Variants in SZT2 observed in about 807,000 individuals in gnomAD.
SZT2 encodes KICSTOR complex protein SZT2.
Under a neutral mutation model 404.2 loss-of-function variants are expected in SZT2, and 216 were observed. The observed-to-expected ratio is 0.53, with a 90% CI of 0.48 to 0.60. The LOEUF (loss-of-function observed/expected upper bound fraction) is 0.60. Ranked by LOEUF, SZT2 falls within the 20% of genes least tolerant of loss-of-function variation. SZT2 has a pLI of 0.00. For synonymous variants in SZT2, 1,693 were observed against 1,749.9 expected (o/e 0.97, Z 0.81); for missense variants, 3,857 against 4,459.2 (o/e 0.86, Z 3.85).
intron 6 of SZT2, 78 bp downstream of exon 6, chr1:43,416,179 A>G: frequency 6.6e-7 from 1 of 1,526,588 alleles, no homozygotes; most frequent in East Asian, 2.3e-5. Context: ...CAAAGATAGC[A>G]GTTCCAGGGA....
In SZT2 at chr1:43,450,409, G is replaced by A; in HGVS notation, c.10228G>A (p.Val3410Ile). The change falls in exon 72 of 72, where the codon GTC (valine) becomes ATC (isoleucine). Residue 3410 changes from valine to isoleucine, a missense_variant. Physicochemically the swap from Val to Ile is conservative, Grantham distance 29 (BLOSUM62 3). Coordinates refer to ENST00000634258, the MANE Select transcript of SZT2 (RefSeq NM_001365999.1). This position sits in a 1 kb window ranked among gnomAD's most constrained non-coding sequence, Gnocchi z 4.3. The stretch of plus-strand genomic sequence containing the variant: ...CAGCGAGAGCCCCCCTGCCCAACTG[G>A]TCTCCACCTACCACCACCTGGAGTC... Reference protein sequence around the residue: ...QDSESPPAQLVSTYHHLESVI... With the variant: ...QDSESPPAQLISTYHHLESVI... The A allele has an allele frequency of 1.2e-6, 2 of 1,614,000 alleles. No homozygotes were observed. Among genetic ancestry groups the A allele is most frequent in the Non-Finnish European group, 1.7e-6 (2 of 1,179,970 alleles).
Position 43,434,456 on chromosome 1 carries a change from G to A in SZT2, c.5875G>A (p.Val1959Ile), listed in dbSNP as rs1654254744. The A allele has an allele frequency of 6.9e-6, 11 of 1,597,540 alleles. No homozygotes were observed. Among genetic ancestry groups the A allele is most frequent in the Admixed American group, 1.8e-5 (1 of 56,658 alleles). ...RHLQQLLVRR[V>I]GEICREVNQR... is the part of the protein sequence containing the mutation. ...CCTGCAGCAGCTCCTGGTGAGGCGA[G>A]TTGGGGAGATCTGCAGGGAGGTCAA... Residue 1959 changes from valine to isoleucine, a missense_variant, in exon 41 of 72, where the codon GTT becomes ATT. Val to Ile is a conservative substitution (Grantham distance 29, BLOSUM62 3). Coordinates refer to ENST00000634258, the MANE Select transcript of SZT2 (RefSeq NM_001365999.1).
rs765396596 is a variant in SZT2 at position 43,451,302 on chromosome 1, A to G, written c.*822A>G. ...TGAACGTAGCCAACTCAAGCCCTCTACTGTGTCTCCTGCAGGGAGAGGGAG... is the reference window on the plus strand; with the variant it reads ...TGAACGTAGCCAACTCAAGCCCTCTGCTGTGTCTCCTGCAGGGAGAGGGAG... On this transcript the variant is annotated 3_prime_UTR_variant, in exon 72 of 72. Transcript: ENST00000634258. 8 of 1,613,732 alleles carry G rather than the reference A, an allele frequency of 5.0e-6. No homozygotes were observed. The highest frequency in any genetic ancestry group is 4.4e-5 in the South Asian group (4 of 91,072).
At chr1:43,415,031 G>A (rs1364791906) in intron 4 of SZT2, 51 bp from the exon 5 acceptor site, 2 of 1,578,648 alleles carry the variant, frequency 1.3e-6, no homozygotes, top group African/African-American at 1.3e-5. Flanking sequence ...AAGTGTAGTG[G>A]TCTGTGCCAC....
intron 26 of SZT2, 62 bp downstream of exon 26, chr1:43,427,796 G>A (rs979935879): frequency 1.6e-5 from 25 of 1,570,706 alleles, no homozygotes; most frequent in Admixed American, 3.6e-5. Context: ...CAAGAAATAA[G>A]TACACACTAA....
intron 3 of SZT2, 129 bp from the exon 4 acceptor site, chr1:43,404,251 G>C: frequency 2.6e-6 from 2 of 761,956 alleles, no homozygotes; most frequent in Non-Finnish European, 4.3e-6. Flanking sequence ...TGTTCCATGT[G>C]TGGCACTGTA....
chr1:43,433,547 C>G (rs12090766), intron 40 of SZT2, among the ~76,000 whole-genome samples: 1 of 152,120 alleles, frequency 6.6e-6, no homozygotes, highest in Non-Finnish European at 1.5e-5. Flanking sequence ...TTTGGGAGGC[C>G]GAGGCAGGCG....
intron 1 of SZT2, among the ~76,000 whole-genome samples, chr1:43,395,560 C>T (rs1648896970): frequency 6.6e-6 from 1 of 152,218 alleles, no homozygotes; most frequent in South Asian, 2.1e-4. Flanking sequence ...TTTGGTCTTC[C>T]AAAGTGCTGG....
At chr1:43,397,781 G>A (rs1195657970) in intron 1 of SZT2, among the ~76,000 whole-genome samples, 3 of 152,114 alleles carry the variant, frequency 2.0e-5, no homozygotes, top group Non-Finnish European at 2.9e-5. Context: ...CACCCACCCC[G>A]GCCTCCCAAA....
Position 43,420,254 on chromosome 1 carries a change from G to A in SZT2, c.1192G>A (p.Asp398Asn), listed in dbSNP as rs1557540736. Residue 398 changes from aspartate to asparagine, a missense_variant, in exon 9 of 72, where the codon GAC becomes AAC. Around this residue, in one of 7 missense-constraint regions of SZT2, gnomAD observed 536 missense variants for 637.4 expected, o/e 0.84. Transcript: ENST00000634258. The surrounding 1 kb of genome is among the most constrained non-coding windows in gnomAD (Gnocchi z 5.1). The stretch of plus-strand genomic sequence containing the variant: ...GCACACTGAGAAGGAGGTGCCAGCC[G>A]ACTTGGTCAGCACTGTGTCCGTACG... ...KKHTEKEVPA[D>N]LVSTVSVRLR... The A allele has an allele frequency of 1.9e-6, 3 of 1,598,434 alleles. No homozygotes were observed. Among genetic ancestry groups the A allele is most frequent in the South Asian group, 1.1e-5 (1 of 91,070 alleles).
In SZT2 at chr1:43,442,059, G is replaced by C. The variant is rs757425191; in HGVS notation, c.7802G>C (p.Arg2601Pro). 1.2e-6 allele frequency: 2 copies of C among 1,613,762 alleles called. No homozygotes were observed. Among genetic ancestry groups the C allele is most frequent in the East Asian group, 2.2e-5 (1 of 44,846 alleles). ...CCTGGGCAACTGGGCCCCTCTCCCC[G>C]CCCTGCAGCTGAGCGGCATCTGCTG... ...CSPGQLGPSP[R>P]PAAERHLLLL... Residue 2601 changes from arginine (R) to proline (P), a missense_variant, in exon 56 of 72, where the codon CGC (arginine) becomes CCC (proline). By Grantham distance (103) the Arg-to-Pro change is moderately radical. Transcript: ENST00000634258. This position sits in a 1 kb window ranked among gnomAD's most constrained non-coding sequence, Gnocchi z 4.5.
chr1:43,422,665 C>A (rs59034037), intron 13 of SZT2, 33 bp downstream of exon 13: 9 of 751,632 alleles, frequency 1.2e-5, no homozygotes, highest in African/African-American at 1.0e-4. Flanking sequence ...ACCCCCCGCC[C>A]CCCCACCCCC....
Position 43,431,289 on chromosome 1 carries a change from ATT to A in SZT2, c.4943_4944del (p.Phe1648SerfsTer14). The A allele has an allele frequency of 6.2e-7, 1 of 1,612,224 alleles. No individual in the cohort carries two copies. Among genetic ancestry groups the A allele is most frequent in the Non-Finnish European group, 8.5e-7 (1 of 1,179,036 alleles). On this transcript the variant is annotated frameshift_variant, in exon 34 of 72. Coordinates refer to ENST00000634258, the MANE Select transcript of SZT2 (RefSeq NM_001365999.1). LOFTEE classifies it high-confidence loss of function. ...GGTCAACATCTGAAAGCAGTGCTTCATTTCCACGATCCCCAGGGCAGCCATCA... is the reference window on the plus strand; with the variant it reads ...GGTCAACATCTGAAAGCAGTGCTTCATCCACGATCCCCAGGGCAGCCATCA... ...HRSTSESSAS[F>X]PRSPGQPSSL...
Position 43,432,279 on chromosome 1 carries a change from G to A in SZT2, c.5282G>A (p.Arg1761His), listed in dbSNP as rs377397872. 74 of 1,553,580 alleles carry A rather than the reference G, an allele frequency of 4.8e-5. No individual in the cohort carries two copies. Among genetic ancestry groups the A allele is most frequent in the Admixed American group, 6.1e-5 (3 of 49,442 alleles). The change falls in exon 37 of 72, where the codon CGC becomes CAC. Residue 1761 changes from arginine to histidine, a missense_variant. By Grantham distance (29) the Arg-to-His change is conservative. Transcript: ENST00000634258. The stretch of plus-strand genomic sequence containing the variant: ...TTGGCTCCTGCTCTCTAGGAGTTCC[G>A]CCGCCTCCATCTCCCTGGCCATGTT... Reference protein sequence around the residue: ...RSLTQFKEEFRRLHLPGHVLL... With the variant: ...RSLTQFKEEFHRLHLPGHVLL...
chr1:43,443,532 C>G (rs1655318011), intron 61 of SZT2, 55 bp downstream of exon 61: 1 of 1,613,436 alleles, frequency 6.2e-7, no homozygotes, highest in Non-Finnish European at 8.5e-7. Context: ...CAGTGACCCC[C>G]CTCCTCCATC....
Position 43,445,890 on chromosome 1 carries a change from A to C in SZT2, c.8826-4A>C. 6.2e-7 allele frequency: 1 copy of C among 1,614,080 alleles called. No individual in the cohort carries two copies. The highest frequency in any genetic ancestry group is 8.5e-7 in the Non-Finnish European group (1 of 1,179,984). On this transcript the variant is annotated splice_region_variant and splice_polypyrimidine_tract_variant and intron_variant, in intron 62 of 71. Transcript: ENST00000634258. Reference sequence around the variant, plus strand: ...ATCCTCTTATCCCTCCTCCTTTTCTATAGCACCAGCCGGCCACGGGCCATG... The same window carrying C: ...ATCCTCTTATCCCTCCTCCTTTTCTCTAGCACCAGCCGGCCACGGGCCATG...
chr1:43,417,059 G>A (rs1217066492), intron 7 of SZT2, among the ~76,000 whole-genome samples: 1 of 152,206 alleles, frequency 6.6e-6, no homozygotes, highest in Non-Finnish European at 1.5e-5. Context: ...TGGGAAACAA[G>A]GCTGAAGGGG....
intron 1 of SZT2, among the ~76,000 whole-genome samples, chr1:43,402,092 A>G (rs1344274478): frequency 5.9e-5 from 9 of 152,082 alleles, no homozygotes; most frequent in African/African-American, 2.2e-4. Flanking sequence ...TTTCAACATC[A>G]TGTTTCTCAA....
Position 43,453,183 on chromosome 1 carries a change from G to T in SZT2, c.*2703G>T. ...AGCTCCCAGCATGGGATCCCAGCAT[G>T]GGGTGAGCATGAAAGAGTGGCAAAC... On this transcript the variant is annotated 3_prime_UTR_variant, in exon 72 of 72. Coordinates refer to ENST00000634258, the MANE Select transcript of SZT2 (RefSeq NM_001365999.1). 1.5e-6 allele frequency: 1 copy of T among 646,708 alleles called. No homozygotes were observed. Among genetic ancestry groups the T allele is most frequent in the South Asian group, 1.8e-5 (1 of 54,778 alleles). The allele number at this position is 646,708 out of a possible 1,614,324, so 40.1% of individuals were successfully genotyped here.
Sources: gnomAD v4.1 joint callset for allele counts (sites outside exome capture counted in the v4.1 genomes callset) on GRCh38, gnomAD v4.1.1 for gene constraint, gnomAD v4.1.1 regional missense constraint, Gnocchi (gnomAD v3.1) non-coding constraint, MANE v1.5 for transcripts, NCBI Gene and HGNC (gene_info 2026-07-23, HGNC 2026-07-21) for gene names.